Variants in EPHA5 observed in about 807,000 individuals in gnomAD.
EPHA5 encodes EPH receptor A5.
Under a neutral mutation model 105.0 loss-of-function variants are expected in EPHA5, and 60 were observed. The ratio of observed to expected loss-of-function variants is 0.57; its 90% CI spans 0.46 to 0.71. EPHA5 has a LOEUF of 0.71. EPHA5 is among the 30% of genes least tolerant of loss of function. The pLI is 0.00. For missense variants in EPHA5, 1,218 were observed against 1,274.7 expected (o/e 0.96, Z 0.68); for synonymous variants, 513 against 449.1 (o/e 1.14, Z -1.80).
chr4:65,552,783 A>T (rs1368495223), intron 3 of EPHA5, among the ~76,000 whole-genome samples: 1 of 152,174 alleles, frequency 6.6e-6, no homozygotes, highest in Non-Finnish European at 1.5e-5. Context: ...TAGGTGTGTT[A>T]AATTGTAAAG....
intron 3 of EPHA5, among the ~76,000 whole-genome samples, chr4:65,496,182 G>C (rs1185921850): frequency 6.6e-6 from 1 of 151,958 alleles, no homozygotes; most frequent in Non-Finnish European, 1.5e-5. Flanking sequence ...TATCAGTAAG[G>C]CTTATTTACT....
intron 7 of EPHA5, among the ~76,000 whole-genome samples, chr4:65,405,955 C>T (rs1388333563): frequency 1.3e-5 from 2 of 152,150 alleles, no homozygotes; most frequent in Middle Eastern, 3.4e-3. Context: ...CCAGACTTCA[C>T]TCAGAAACTC....
chr4:65,521,411 T>C (rs1400102303), intron 3 of EPHA5, among the ~76,000 whole-genome samples: 1 of 151,862 alleles, frequency 6.6e-6, no homozygotes, highest in East Asian at 1.9e-4. Flanking sequence ...CATTAGGAAA[T>C]ATACCTAATG....
At chr4:65,324,477 C>A (rs1327154735) in intron 16 of EPHA5, among the ~76,000 whole-genome samples, 1 of 151,328 alleles carries the variant, frequency 6.6e-6, no homozygotes, top group African/African-American at 2.4e-5. Context: ...TTTAGTGGTG[C>A]AGAGTGGTGA....
intron 3 of EPHA5, among the ~76,000 whole-genome samples, chr4:65,574,988 G>T (rs924673278): frequency 1.3e-5 from 2 of 151,536 alleles, no homozygotes; most frequent in African/African-American, 4.9e-5. Flanking sequence ...TGAGGAGGCT[G>T]GTACAGGTGT....
At chr4:65,667,963 T>A (rs1041098786) in intron 1 of EPHA5, among the ~76,000 whole-genome samples, 1 of 152,180 alleles carries the variant, frequency 6.6e-6, no homozygotes, top group African/African-American at 2.4e-5. Context: ...ACAGAATGAA[T>A]TTAACATAAG....
At chr4:65,532,248 A>T (rs181283087) in intron 3 of EPHA5, among the ~76,000 whole-genome samples, 1 of 152,238 alleles carries the variant, frequency 6.6e-6, no homozygotes, top group East Asian at 1.9e-4. Context: ...TCAATTAGTA[A>T]TGGAATTTAA....
chr4:65,334,292 A>C (rs1286033185), intron 15 of EPHA5, among the ~76,000 whole-genome samples: 1 of 152,028 alleles, frequency 6.6e-6, no homozygotes, highest in Non-Finnish European at 1.5e-5. Flanking sequence ...ATAAATGAAT[A>C]TGTTATAGTG....
rs959432615 is a variant in EPHA5 at position 65,320,510 on chromosome 4, T to C, written c.*3604A>G. ...TTATTCTACTATGTAATATAATACA[T>C]CTAATAAATTTCTAACACCTGACTC... is the stretch of plus-strand genomic sequence containing the variant. On this transcript the variant is annotated 3_prime_UTR_variant, in exon 17 of 17. Transcript: ENST00000613740. 9.6e-5 allele frequency: 22 copies of C among 229,218 alleles called. No individual in the cohort carries two copies. Among genetic ancestry groups the C allele is most frequent in the African/African-American group, 4.9e-4 (22 of 45,066 alleles). 14.2% of individuals were successfully genotyped at this position (229,218 alleles called of 1,614,324 possible). A position where few individuals can be genotyped will look rare whatever the true frequency, so the allele number is the denominator to read the frequency against.
intron 11 of EPHA5, among the ~76,000 whole-genome samples, chr4:65,353,365 CTATTTAAA>C (rs1252914603): frequency 6.8e-6 from 1 of 147,708 alleles, no homozygotes; most frequent in Non-Finnish European, 1.5e-5. Context: ...TATTTTAAAA[CTATTTAAA>C]TATTTAAATA....
At chr4:65,565,554 T>A (rs1170149532) in intron 3 of EPHA5, among the ~76,000 whole-genome samples, 2 of 151,708 alleles carry the variant, frequency 1.3e-5, no homozygotes, top group Non-Finnish European at 3.0e-5. Context: ...TAATAAAATA[T>A]ATTCATAAAA....
intron 3 of EPHA5, among the ~76,000 whole-genome samples, chr4:65,522,822 A>C (rs1734884895): frequency 6.6e-6 from 1 of 151,970 alleles, no homozygotes; most frequent in Non-Finnish European, 1.5e-5. Context: ...AATTTACTAC[A>C]GTTAAAATGG....
At chr4:65,638,538 G>C (rs1245391652) in intron 2 of EPHA5, among the ~76,000 whole-genome samples, 6 of 152,072 alleles carry the variant, frequency 3.9e-5, no homozygotes, top group Non-Finnish European at 8.8e-5. Flanking sequence ...GGGAGTTCGA[G>C]ACCAGCCTGA....
chr4:65,498,911 G>A (rs4860669), intron 3 of EPHA5, among the ~76,000 whole-genome samples: 5,797 of 151,322 alleles, frequency 0.038, 133 homozygotes, highest in Admixed American at 0.073. Flanking sequence ...AATTCCAAGG[G>A]GTCATAGTAC....
chr4:65,547,762 A>T (rs528865233), intron 3 of EPHA5, among the ~76,000 whole-genome samples: 39 of 152,092 alleles, frequency 2.6e-4, no homozygotes, highest in Middle Eastern at 3.4e-3. Context: ...GGAAAGAGAG[A>T]TTTGAATCCA....
intron 5 of EPHA5, among the ~76,000 whole-genome samples, chr4:65,473,097 C>A (rs1162186882): frequency 6.6e-6 from 1 of 152,098 alleles, no homozygotes; most frequent in Non-Finnish European, 1.5e-5. Flanking sequence ...CAAGAATGAC[C>A]TTTTCTCCAG....
intron 8 of EPHA5, among the ~76,000 whole-genome samples, chr4:65,386,184 T>A (rs932999389): frequency 2.2e-4 from 33 of 152,076 alleles, no homozygotes; most frequent in African/African-American, 7.5e-4. Flanking sequence ...CCACTAGTTT[T>A]AATGGGTAAA....
At chr4:65,401,050 G>A (rs1345371267) in intron 8 of EPHA5, among the ~76,000 whole-genome samples, 1 of 151,052 alleles carries the variant, frequency 6.6e-6, no homozygotes, top group Non-Finnish European at 1.5e-5. Flanking sequence ...GTGTGTGCAT[G>A]TGTGTGTGTG....
At chr4:65,460,958 G>T (rs186671226) in intron 5 of EPHA5, among the ~76,000 whole-genome samples, 2 of 151,690 alleles carry the variant, frequency 1.3e-5, no homozygotes, top group African/African-American at 4.8e-5. Context: ...TCATCAAATT[G>T]CTATTAGTGT....
Sources: gnomAD v4.1 joint callset for allele counts (sites outside exome capture counted in the v4.1 genomes callset) on GRCh38, gnomAD v4.1.1 for gene constraint, MANE v1.5 for transcripts, NCBI Gene and HGNC (gene_info 2026-07-23, HGNC 2026-07-21) for gene names.